PIAS3: variants seen among roughly 807,000 people sequenced by gnomAD.
The protein encoded by PIAS3 is E3 SUMO-protein ligase PIAS3.
Under a neutral mutation model 67.6 loss-of-function variants are expected in PIAS3, and 34 were observed. The observed-to-expected ratio is 0.50, with a 90% CI of 0.38 to 0.67. The LOEUF (loss-of-function observed/expected upper bound fraction) is 0.67, where lower values mean the gene tolerates loss of function less well. Ranked by LOEUF, PIAS3 falls within the 30% of genes least tolerant of loss-of-function variation. The pLI is 0.00. For synonymous variants in PIAS3, 341 were observed against 313.8 expected, an observed-to-expected ratio of 1.09 and a Z score of -0.92; for missense variants, 693 against 791.6, an observed-to-expected ratio of 0.88 and a Z score of 1.49.
At position 145,856,914 on chromosome 1, in the gene PIAS3, G is replaced by A; in HGVS notation, c.117C>T (p.Ala39=). The change falls in exon 2 of 14, where the codon GCC becomes GCT. Residue 39 remains alanine, a synonymous_variant. Coordinates refer to ENST00000393045, the MANE Select transcript of PIAS3 (RefSeq NM_006099.3). ...NKSGRKHELL[A]KALHLLKSSC... is the part of the protein sequence containing the mutation. ...TGGACTTCAGGAGGTGCAGAGCCTT[G>A]GCCAGGAGCTCGTGCTTCCGTCCAC... 1 of 1,614,148 alleles carries A rather than the reference G, an allele frequency of 6.2e-7. No individual in the cohort carries two copies. Among genetic ancestry groups the A allele is most frequent in the Non-Finnish European group, 8.5e-7 (1 of 1,179,986 alleles).
At chr1:145,856,009 C>A (rs932666411) in intron 4 of PIAS3, 59 bp downstream of exon 4, 3 of 1,372,930 alleles carry the variant, frequency 2.2e-6, no homozygotes, top group Admixed American at 1.7e-5. Context: ...ATCTGTCATA[C>A]CCCTACTTCA....
rs888603951 is a variant in PIAS3, at chr1:145,850,382, G to A, written c.1582+71C>T. ...AGGAGAAGCAGGAGGCTTTGAGAAGGAACAGGGGTTCTGATGTAGCTCTGG... is the reference window on the plus strand; with the variant it reads ...AGGAGAAGCAGGAGGCTTTGAGAAGAAACAGGGGTTCTGATGTAGCTCTGG... On this transcript the variant is annotated intron_variant, in intron 12 of 13. Transcript: ENST00000393045. 5 of 1,611,072 alleles carry A rather than the reference G, an allele frequency of 3.1e-6. No homozygotes were observed. In the South Asian group the frequency reaches 4.4e-5, roughly 14 times the overall value.
intron 5 of PIAS3, 146 bp downstream of exon 5, chr1:145,855,590 G>C (rs2101684317): frequency 1.5e-6 from 1 of 645,310 alleles, no homozygotes; most frequent in Non-Finnish European, 2.8e-6. Context: ...ATACTCTCGA[G>C]ATTCTATTGA....
chr1:145,849,178 A>C lies in PIAS3; in HGVS notation c.*268T>G. On this transcript the variant is annotated 3_prime_UTR_variant, in exon 14 of 14. Coordinates refer to ENST00000393045, the MANE Select transcript of PIAS3 (RefSeq NM_006099.3). ...TCACATACCATCCCATTTGCCTCCC[A>C]CTGCCTAGGTTAACATACCCAAAGG... 1 of 309,952 alleles carries C rather than the reference A, an allele frequency of 3.2e-6. No individual in the cohort carries two copies. Among genetic ancestry groups the C allele is most frequent in the Middle Eastern group, 8.5e-4 (1 of 1,170 alleles). The allele number at this position is 309,952 out of a possible 1,614,324, so 19.2% of individuals were successfully genotyped here.
chr1:145,854,148 T>C (rs587690033), intron 7 of PIAS3: 20 of 594,662 alleles, frequency 3.4e-5, no homozygotes, highest in African/African-American at 1.9e-4. Context: ...TGAAGCATCA[T>C]GTGAGGGTTA....
chr1:145,849,866 C>G, intron 13 of PIAS3, 154 bp from the exon 14 acceptor site: 1 of 1,470,622 alleles, frequency 6.8e-7, no homozygotes, highest in Non-Finnish European at 8.9e-7. Context: ...CTTTCCCCTA[C>G]TTCCCTACAC....
At position 145,854,577 on chromosome 1, in the gene PIAS3, G is replaced by A. The variant is rs1553735116; in HGVS notation, c.805-14C>T. 6.3e-7 allele frequency: 1 copy of A among 1,599,938 alleles called. No individual in the cohort carries two copies. The highest frequency in any genetic ancestry group is 1.1e-5 in the South Asian group (1 of 90,762). ...CAAGGAGTAATTCTACTTGGAGGCA[G>A]GGGGTAGACAATTAGCCTCTGCTTC... On this transcript the variant is annotated splice_polypyrimidine_tract_variant and intron_variant, in intron 6 of 13. Transcript: ENST00000393045.
rs1553736153 is a variant in PIAS3 at position 145,858,985 on chromosome 1, C to T, written c.6G>A (p.Ala2=). The change falls in exon 1 of 14, where the codon GCG becomes GCA. Residue 2 remains alanine, a synonymous_variant. Transcript: ENST00000393045. ...CCGGTACCTTTAATTCGCCCAGCTC[C>T]GCCATCTTGAGACATCGCAGGCGCC... M[A]ELGELKHMVM... is the part of the protein sequence containing the mutation. The T allele has an allele frequency of 6.5e-7, 1 of 1,544,934 alleles. No individual in the cohort carries two copies. The highest frequency in any genetic ancestry group is 2.6e-5 in the East Asian group (1 of 38,936).
intron 1 of PIAS3, 85 bp downstream of exon 1, chr1:145,858,882 C>A (rs981316505): frequency 3.1e-6 from 4 of 1,291,262 alleles, no homozygotes; most frequent in Non-Finnish European, 3.1e-6. Flanking sequence ...CCCACCCGAG[C>A]CCCGGCACCC....
Position 145,850,014 on chromosome 1 carries a change from CAGGGCAGAA to C in PIAS3, c.1620+209_1620+217del, listed in dbSNP as rs1420727160. 6 of 1,439,648 alleles carry C rather than the reference CAGGGCAGAA, an allele frequency of 4.2e-6. No individual in the cohort carries two copies. In the African/African-American group the frequency reaches 8.6e-5, roughly 21 times the overall value. The allele number at this position is 1,439,648 out of a possible 1,614,324, so 89.2% of individuals were successfully genotyped here. A position where few individuals can be genotyped will look rare whatever the true frequency, so the allele number is the denominator to read the frequency against. ...CACACGGGGGTAGGGGTGAGTAGGC[CAGGGCAGAA>C]AAGTAACAGGGGATCTAGGAAGGAG... On this transcript the variant is annotated intron_variant, in intron 13 of 13. Transcript: ENST00000393045.
In PIAS3 at chr1:145,858,953, G is replaced by T. The variant is rs782737027; in HGVS notation, c.24+14C>A. On this transcript the variant is annotated intron_variant, in intron 1 of 13. Coordinates refer to ENST00000393045, the MANE Select transcript of PIAS3 (RefSeq NM_006099.3). ...GGCTGAGTCCAGATGGGGATGGGGG[G>T]AGGGGGCCGGTACCTTTAATTCGCC... 6.6e-7 allele frequency: 1 copy of T among 1,523,946 alleles called. No individual in the cohort carries two copies. The highest frequency in any genetic ancestry group is 8.8e-7 in the Non-Finnish European group (1 of 1,137,230). The allele number at this position is 1,523,946 out of a possible 1,614,324, so 94.4% of individuals were successfully genotyped here. A position where few individuals can be genotyped will look rare whatever the true frequency, so the allele number is the denominator to read the frequency against.
Position 145,849,363 on chromosome 1 carries a change from G to A in PIAS3, c.*83C>T. The A allele has an allele frequency of 2.9e-6, 4 of 1,365,182 alleles. No homozygotes were observed. Among genetic ancestry groups the A allele is most frequent in the Non-Finnish European group, 3.8e-6 (4 of 1,050,788 alleles). 84.6% of individuals were successfully genotyped at this position (1,365,182 alleles called of 1,614,324 possible). A position where few individuals can be genotyped will look rare whatever the true frequency, so the allele number is the denominator to read the frequency against. Reference sequence around the variant, plus strand: ...CTGGCCCTTGGCCAGAGCCCCCAGAGGGATCAGAGTAGCTGGGGTTGGGAC... The same window carrying A: ...CTGGCCCTTGGCCAGAGCCCCCAGAAGGATCAGAGTAGCTGGGGTTGGGAC... On this transcript the variant is annotated 3_prime_UTR_variant, in exon 14 of 14. Coordinates refer to ENST00000393045, the MANE Select transcript of PIAS3 (RefSeq NM_006099.3).
At position 145,849,020 on chromosome 1, in the gene PIAS3, A is replaced by G. The variant is rs17352344; in HGVS notation, c.*426T>C. The G allele has an allele frequency of 0.032, 5,286 of 164,280 alleles. 125 individuals carry two copies. Among genetic ancestry groups the G allele is most frequent in the Non-Finnish European group, 0.05 (3,799 of 76,116 alleles). The allele number at this position is 164,280 out of a possible 1,614,324, so 10.2% of individuals were successfully genotyped here. On this transcript the variant is annotated 3_prime_UTR_variant, in exon 14 of 14. Transcript: ENST00000393045. ...GGAATGGAATAGACATGAAGAGACA[A>G]TGGATGTGAAGAAGAAATAGAGCCA... is the stretch of plus-strand genomic sequence containing the variant.
chr1:145,853,994 G>T, intron 7 of PIAS3, 108 bp from the exon 8 acceptor site: 1 of 885,124 alleles, frequency 1.1e-6, no homozygotes, highest in Non-Finnish European at 1.8e-6. Flanking sequence ...GCTGGGTGGA[G>T]CGTCTTTGGG....
chr1:145,858,268 C>T (rs1200016190), intron 1 of PIAS3, among the ~76,000 whole-genome samples: 2 of 152,022 alleles, frequency 1.3e-5, no homozygotes, highest in African/African-American at 2.4e-5. Context: ...TCTCCCCATC[C>T]TTATCTCCTC....
chr1:145,854,007 C>A, intron 7 of PIAS3, 121 bp from the exon 8 acceptor site: 1 of 749,858 alleles, frequency 1.3e-6, no homozygotes, highest in Middle Eastern at 3.8e-4. Flanking sequence ...TCTTTGGGGG[C>A]CAGTGGGACG....
At chr1:145,856,242 G>C in intron 3 of PIAS3, 105 bp downstream of exon 3, 1 of 1,248,588 alleles carries the variant, frequency 8.0e-7, no homozygotes, top group East Asian at 2.3e-5. Context: ...AAGAACAAGA[G>C]ACAAGTAGGT....
At chr1:145,857,199 C>T in intron 1 of PIAS3, 193 bp from the exon 2 acceptor site, 1 of 602,880 alleles carries the variant, frequency 1.7e-6, no homozygotes, top group Non-Finnish European at 3.0e-6. Context: ...CTTTAGCAAC[C>T]ATCAGGTCAG....
chr1:145,850,306 C>G, intron 12 of PIAS3, 37 bp from the exon 13 acceptor site: 2 of 1,614,134 alleles, frequency 1.2e-6, no homozygotes, highest in Non-Finnish European at 1.7e-6. Context: ...AACCTCCTAT[C>G]TGACCCCTTT....
Sources: gnomAD v4.1 joint callset for allele counts (sites outside exome capture counted in the v4.1 genomes callset) on GRCh38, gnomAD v4.1.1 for gene constraint, MANE v1.5 for transcripts, NCBI Gene and HGNC (gene_info 2026-07-23, HGNC 2026-07-21) for gene names.